Variants in IRS1 observed in about 807,000 individuals in gnomAD.
IRS1 encodes insulin receptor substrate 1.
A neutral mutation model predicts 65.6 loss-of-function variants in IRS1; 34 were observed. The observed-to-expected ratio is 0.52, with a 90% CI of 0.39 to 0.69. The LOEUF is 0.69. IRS1 is among the 30% of genes least tolerant of loss of function. IRS1 has a pLI of 0.00. For missense variants in IRS1, 1,641 were observed against 1,720.2 expected (o/e 0.95, Z 0.81); for synonymous variants, 699 against 683.5 (o/e 1.02, Z -0.35).
In IRS1 at chr2:226,794,385, CTT is replaced by C. The variant is rs1939666800; in HGVS notation, c.*21+602_*21+603del. On this transcript the variant is annotated intron_variant, in intron 1 of 1. Coordinates refer to ENST00000305123, the MANE Select transcript of IRS1 (RefSeq NM_005544.3). This position sits in a 1 kb window ranked among gnomAD's most constrained non-coding sequence, Gnocchi z 4.1. ...TGAGAGATCACAAAATAGATAGGTA[CTT>C]CTCTCTAAATACATATTTCTAAAAA... Among the ~76,000 whole-genome samples, 1 of 152,188 alleles carries C rather than the reference CTT, an allele frequency of 6.6e-6. No homozygotes were observed. The highest frequency in any genetic ancestry group is 2.1e-4 in the South Asian group (1 of 4,832).
intron 1 of IRS1, among the ~76,000 whole-genome samples, chr2:226,762,998 G>A (rs1938949952): frequency 6.6e-6 from 1 of 152,112 alleles, no homozygotes; most frequent in South Asian, 2.1e-4. Context: ...ATCCAGAAGA[G>A]AAAACTCATT....
In IRS1 at chr2:226,751,578, C is replaced by T. The variant is rs182176960; in HGVS notation, c.*22-15328G>A. Among the ~76,000 whole-genome samples the T allele has an allele frequency of 1.5e-3, 224 of 152,202 alleles. 1 individual carries two copies. The highest frequency in any genetic ancestry group is 4.7e-3 in the African/African-American group (194 of 41,526). Reference sequence around the variant, plus strand: ...CATTACAGGCGTGAGCCACCGCGCCCGGCCGGGTATTTTTTTTAAACCCTG... The same window carrying T: ...CATTACAGGCGTGAGCCACCGCGCCTGGCCGGGTATTTTTTTTAAACCCTG... On this transcript the variant is annotated intron_variant, in intron 1 of 1. Transcript: ENST00000305123.
In IRS1 at chr2:226,798,245, T is replaced by C; in HGVS notation, c.494A>G (p.Gln165Arg). Residue 165 changes from glutamine (Q) to arginine (R), a missense_variant, in exon 1 of 2, where the codon CAA (glutamine) becomes CGA (arginine). Around this residue, in one of 3 missense-constraint regions of IRS1, gnomAD observed 77 missense variants for 129.6 expected, o/e 0.59. Coordinates refer to ENST00000305123, the MANE Select transcript of IRS1 (RefSeq NM_005544.3). The surrounding 1 kb of genome is among the most constrained non-coding windows in gnomAD (Gnocchi z 9.4). ...PPGPAFKEVW[Q>R]VILKPKGLGQ... The stretch of plus-strand genomic sequence containing the variant: ...CAGGCCCTTGGGCTTCAGGATCACT[T>C]GCCAGACCTCTTTGAATGCGGGTCC... 6.2e-7 allele frequency: 1 copy of C among 1,613,602 alleles called. No individual in the cohort carries two copies.
chr2:226,754,285 G>A (rs1938750003), intron 1 of IRS1, among the ~76,000 whole-genome samples: 2 of 152,066 alleles, frequency 1.3e-5, no homozygotes, highest in South Asian at 4.2e-4. Flanking sequence ...CTGGAGTGAG[G>A]GTGGGTTTAT....
rs1296661649 is a variant in IRS1 at position 226,732,343 on chromosome 2, G to A, written c.*3929C>T. 1.3e-5 allele frequency: 2 copies of A among 151,800 alleles called. No individual in the cohort carries two copies. Among genetic ancestry groups the A allele is most frequent in the Admixed American group, 6.6e-5 (1 of 15,208 alleles). The allele number at this position is 151,800 out of a possible 1,614,324, so 9.4% of individuals were successfully genotyped here. A position where few individuals can be genotyped will look rare whatever the true frequency, so the allele number is the denominator to read the frequency against. On this transcript the variant is annotated 3_prime_UTR_variant, in exon 2 of 2. Coordinates refer to ENST00000305123, the MANE Select transcript of IRS1 (RefSeq NM_005544.3). The stretch of plus-strand genomic sequence containing the variant: ...TCCTCGGTGTTCTACTCACTATGAA[G>A]CTGTTTTTGTTCTCCATAACTGAGC...
At position 226,734,674 on chromosome 2, in the gene IRS1, A is replaced by G. The variant is rs1483659410; in HGVS notation, c.*1598T>C. 6.6e-6 allele frequency: 1 copy of G among 152,220 alleles called. No homozygotes were observed. The highest frequency in any genetic ancestry group is 1.5e-5 in the Non-Finnish European group (1 of 68,040). 9.4% of individuals were successfully genotyped at this position (152,220 alleles called of 1,614,324 possible). On this transcript the variant is annotated 3_prime_UTR_variant, in exon 2 of 2. Coordinates refer to ENST00000305123, the MANE Select transcript of IRS1 (RefSeq NM_005544.3). ...GAGATAGAGGCTCCCACAGACTCAGAGGGAGCCTGATATTTGCATTAATTC... is the reference window on the plus strand; with the variant it reads ...GAGATAGAGGCTCCCACAGACTCAGGGGGAGCCTGATATTTGCATTAATTC...
chr2:226,738,377 T>C (rs561049413), intron 1 of IRS1, among the ~76,000 whole-genome samples: 2 of 152,320 alleles, frequency 1.3e-5, no homozygotes, highest in Non-Finnish European at 2.9e-5. Context: ...CATTACGCAA[T>C]GGTTTTCTGA....
intron 1 of IRS1, among the ~76,000 whole-genome samples, chr2:226,774,325 G>A (rs1377507549): frequency 6.6e-6 from 1 of 152,190 alleles, no homozygotes; most frequent in Admixed American, 6.5e-5. Context: ...AAAAGGCTCT[G>A]ATGATCACAG....
chr2:226,737,027 G>A (rs1938338778), intron 1 of IRS1, among the ~76,000 whole-genome samples: 1 of 151,342 alleles, frequency 6.6e-6, no homozygotes, highest in African/African-American at 2.4e-5. Flanking sequence ...GTGCCATGCT[G>A]GTGTGCTGCA....
intron 1 of IRS1, among the ~76,000 whole-genome samples, chr2:226,791,474 T>G (rs1428793189): frequency 6.6e-6 from 1 of 152,204 alleles, no homozygotes; most frequent in Admixed American, 6.5e-5. Flanking sequence ...GTGGGCTGGT[T>G]GGACTTTTTC....
At chr2:226,760,620 AC>A (rs1348381080) in intron 1 of IRS1, among the ~76,000 whole-genome samples, 1 of 151,052 alleles carries the variant, frequency 6.6e-6, no homozygotes, top group Non-Finnish European at 1.5e-5. Context: ...CCTCAACCCC[AC>A]CCCCCTCCAC....
intron 1 of IRS1, among the ~76,000 whole-genome samples, chr2:226,748,002 T>C (rs1938582362): frequency 6.6e-6 from 1 of 151,784 alleles, no homozygotes; most frequent in South Asian, 2.1e-4. Flanking sequence ...AGAAAATACC[T>C]GGTTTCACAA....
rs765273304 is a variant in IRS1, at chr2:226,798,765, G to A, written c.-27C>T. The A allele has an allele frequency of 6.9e-6, 11 of 1,599,026 alleles. No homozygotes were observed. Among genetic ancestry groups the A allele is most frequent in the Non-Finnish European group, 9.4e-6 (11 of 1,173,454 alleles). On this transcript the variant is annotated 5_prime_UTR_variant, in exon 1 of 2. Transcript: ENST00000305123. The surrounding 1 kb of genome is among the most constrained non-coding windows in gnomAD (Gnocchi z 9.4). Reference sequence around the variant, plus strand: ...CTGCCACCGCCACCACCAACGCTGAGCAGAGGGAGGCTCCGAAAAACAACC... The same window carrying A: ...CTGCCACCGCCACCACCAACGCTGAACAGAGGGAGGCTCCGAAAAACAACC...
At position 226,798,990 on chromosome 2, in the gene IRS1, G is replaced by T; in HGVS notation, c.-252C>A. The T allele has an allele frequency of 7.0e-7, 1 of 1,437,832 alleles. No individual in the cohort carries two copies. The highest frequency in any genetic ancestry group is 2.9e-5 in the Admixed American group (1 of 34,592). 89.1% of individuals were successfully genotyped at this position (1,437,832 alleles called of 1,614,324 possible). On this transcript the variant is annotated 5_prime_UTR_variant, in exon 1 of 2. Coordinates refer to ENST00000305123, the MANE Select transcript of IRS1 (RefSeq NM_005544.3). The surrounding 1 kb of genome is among the most constrained non-coding windows in gnomAD (Gnocchi z 9.4). ...GCCCGGCGGGGAGGCAGTGCGTCCG[G>T]GGTGAGGGCAGCCCCGATCCTCCGA...
intron 1 of IRS1, among the ~76,000 whole-genome samples, chr2:226,749,931 T>C (rs1222806946): frequency 6.6e-6 from 1 of 152,040 alleles, no homozygotes; most frequent in Non-Finnish European, 1.5e-5. Context: ...GTTTCCTTGA[T>C]TGTGTGGTAT....
rs1364245129 is a variant in IRS1 at position 226,735,024 on chromosome 2, A to C, written c.*1248T>G. The C allele has an allele frequency of 6.6e-6, 1 of 152,240 alleles. No homozygotes were observed. Among genetic ancestry groups the C allele is most frequent in the Non-Finnish European group, 1.5e-5 (1 of 68,048 alleles). The allele number at this position is 152,240 out of a possible 1,614,324, so 9.4% of individuals were successfully genotyped here. A position where few individuals can be genotyped will look rare whatever the true frequency, so the allele number is the denominator to read the frequency against. ...AAATATGAGATAAGGTAAGAGTCTTAGGGAAGGTGACACATAGCCCTGGTC... is the reference window on the plus strand; with the variant it reads ...AAATATGAGATAAGGTAAGAGTCTTCGGGAAGGTGACACATAGCCCTGGTC... On this transcript the variant is annotated 3_prime_UTR_variant, in exon 2 of 2. Transcript: ENST00000305123.
In IRS1 at chr2:226,797,153, C is replaced by T; in HGVS notation, c.1586G>A (p.Gly529Asp). 6.2e-7 allele frequency: 1 copy of T among 1,613,890 alleles called. No homozygotes were observed. Among genetic ancestry groups the T allele is most frequent in the Non-Finnish European group, 8.5e-7 (1 of 1,179,992 alleles). The change falls in exon 1 of 2, where the codon GGC (glycine) becomes GAC (aspartate). Residue 529 changes from glycine (G) to aspartate (D), a missense_variant. By Grantham distance (94) the Gly-to-Asp change is moderately conservative. Transcript: ENST00000305123. The surrounding 1 kb of genome is among the most constrained non-coding windows in gnomAD (Gnocchi z 8.1). ...CTGGTGGGTAATGGTAGGGGATGTG[C>T]CTGCCGAGTGAGTTCTCTTTCGGAA... ...NRFRKRTHSA[G>D]TSPTITHQKT...
At chr2:226,741,786 AACACACACACACACAC>A (rs145806509) in intron 1 of IRS1, among the ~76,000 whole-genome samples, 1 of 138,460 alleles carries the variant, frequency 7.2e-6, no homozygotes, top group Non-Finnish European at 1.6e-5. Context: ...GAGCCCAGTA[AACACACACACACACAC>A]ACACACACAC....
intron 1 of IRS1, among the ~76,000 whole-genome samples, chr2:226,741,786 A>AACACACACACACACAC (rs145806509): frequency 6.2e-4 from 86 of 138,534 alleles, no homozygotes; most frequent in African/African-American, 1.8e-3. Flanking sequence ...GAGCCCAGTA[A>AACACACACACACACAC]ACACACACAC....
Sources: gnomAD v4.1 joint callset for allele counts (sites outside exome capture counted in the v4.1 genomes callset) on GRCh38, gnomAD v4.1.1 for gene constraint, gnomAD v4.1.1 regional missense constraint, Gnocchi (gnomAD v3.1) non-coding constraint, MANE v1.5 for transcripts, NCBI Gene and HGNC (gene_info 2026-07-23, HGNC 2026-07-21) for gene names.